SPATA16: variants seen among roughly 807,000 people sequenced by gnomAD.
The protein encoded by SPATA16 is spermatogenesis-associated protein 16.
A neutral mutation model predicts 63.3 loss-of-function variants in SPATA16; 36 were observed. The ratio of observed to expected loss-of-function variants is 0.57; its 90% CI spans 0.44 to 0.75. SPATA16 has a LOEUF of 0.75. Ranked by LOEUF, SPATA16 falls within the 30% of genes least tolerant of loss-of-function variation. The pLI is 0.00. For missense variants in SPATA16, 646 were observed against 679.3 expected (o/e 0.95, Z 0.54); for synonymous variants, 203 against 216.7 (o/e 0.94, Z 0.56).
At chr3:173,106,521 CAATA>C (rs1213922438) in intron 2 of SPATA16, among the ~76,000 whole-genome samples, 1 of 152,146 alleles carries the variant, frequency 6.6e-6, no homozygotes, top group African/African-American at 2.4e-5. Flanking sequence ...AGTAACTACT[CAATA>C]AATATTTTTT....
At chr3:173,091,792 C>T (rs923969061) in intron 2 of SPATA16, among the ~76,000 whole-genome samples, 3 of 152,080 alleles carry the variant, frequency 2.0e-5, no homozygotes, top group East Asian at 1.9e-4. Flanking sequence ...CTAGCCCCTA[C>T]GTTTGAGAAA....
At chr3:172,948,128 A>C (rs1158176153) in intron 6 of SPATA16, among the ~76,000 whole-genome samples, 1 of 152,182 alleles carries the variant, frequency 6.6e-6, no homozygotes, top group Non-Finnish European at 1.5e-5. Flanking sequence ...ATTCAAGTAC[A>C]AGGTTATAGA....
intron 10 of SPATA16, among the ~76,000 whole-genome samples, chr3:172,898,436 G>A (rs1446945296): frequency 6.6e-6 from 1 of 151,912 alleles, no homozygotes; most frequent in Non-Finnish European, 1.5e-5. Context: ...TATATTGGGT[G>A]AGTGGTGGTA....
intron 4 of SPATA16, among the ~76,000 whole-genome samples, chr3:173,001,139 G>C (rs576305750): frequency 6.6e-6 from 1 of 152,168 alleles, no homozygotes. Context: ...GCAGTACAAA[G>C]ACTATAAAGA....
At chr3:173,056,968 C>T (rs1736247381) in intron 2 of SPATA16, among the ~76,000 whole-genome samples, 1 of 151,732 alleles carries the variant, frequency 6.6e-6, no homozygotes, top group Admixed American at 6.6e-5. Flanking sequence ...CACATATGTT[C>T]TATTTTCATG....
Position 173,073,688 on chromosome 3 carries a change from C to G in SPATA16, c.613-24594G>C, listed in dbSNP as rs1469358719. On this transcript the variant is annotated intron_variant, in intron 2 of 10. Coordinates refer to ENST00000351008, the MANE Select transcript of SPATA16 (RefSeq NM_031955.6). ...GCAGGGCAGGACCCTCATGGAGAAC[C>G]TCTGCTAGGGCAGTGCAGAAGGGAA... 3.9e-5 allele frequency among the ~76,000 whole-genome samples: 6 copies of G among 152,236 alleles called. No homozygotes were observed. The East Asian group carries it at 9.6e-4, about 24-fold the overall frequency.
chr3:172,916,584 A>C, intron 8 of SPATA16, 103 bp from the exon 9 acceptor site: 1 of 1,251,962 alleles, frequency 8.0e-7, no homozygotes, highest in East Asian at 2.3e-5. Flanking sequence ...ACATCTTTTG[A>C]AATAACGGAA....
At chr3:173,011,931 A>G (rs1735083644) in intron 4 of SPATA16, among the ~76,000 whole-genome samples, 1 of 152,142 alleles carries the variant, frequency 6.6e-6, no homozygotes, top group East Asian at 1.9e-4. Flanking sequence ...TTCCTGCCTT[A>G]GCCTACTGAG....
intron 5 of SPATA16, among the ~76,000 whole-genome samples, chr3:172,962,877 A>G (rs1437604117): frequency 1.3e-5 from 2 of 152,160 alleles, no homozygotes; most frequent in East Asian, 3.8e-4. Context: ...GAAAAATAAA[A>G]TTTTGTGAGC....
chr3:172,990,811 C>A (rs1410991118), intron 4 of SPATA16, among the ~76,000 whole-genome samples: 2 of 152,088 alleles, frequency 1.3e-5, no homozygotes, highest in Admixed American at 1.3e-4. Flanking sequence ...CATGAAGAAG[C>A]AGGTCTAGGT....
intron 9 of SPATA16, among the ~76,000 whole-genome samples, chr3:172,914,741 CTGGGTA>C (rs1465856844): frequency 6.6e-6 from 1 of 151,884 alleles, no homozygotes; most frequent in Non-Finnish European, 1.5e-5. Flanking sequence ...TATTTTTCTG[CTGGGTA>C]TATAAGTACA....
At position 173,117,695 on chromosome 3, in the gene SPATA16, C is replaced by T. The variant is rs1737945307; in HGVS notation, c.37G>A (p.Val13Met). 6.2e-7 allele frequency: 1 copy of T among 1,614,148 alleles called. No homozygotes were observed. Among genetic ancestry groups the T allele is most frequent in the South Asian group, 1.1e-5 (1 of 91,084 alleles). ...AGCTGATCATGATAGATCCTATTCACTGCATTCTCCAAACTCCTACTGCTT... is the reference window on the plus strand; with the variant it reads ...AGCTGATCATGATAGATCCTATTCATTGCATTCTCCAAACTCCTACTGCTT... ...AGSSRSLENA[V>M]NRIYHDQLVP... Residue 13 changes from valine to methionine, a missense_variant, in exon 2 of 11, where the codon GTG becomes ATG. Transcript: ENST00000351008.
At chr3:172,985,257 A>G (rs1224045708) in intron 4 of SPATA16, among the ~76,000 whole-genome samples, 1 of 152,222 alleles carries the variant, frequency 6.6e-6, no homozygotes, top group Admixed American at 6.5e-5. Flanking sequence ...TATTAAATCT[A>G]TAGCAAATAT....
At chr3:172,895,659 G>A (rs948701573) in intron 10 of SPATA16, among the ~76,000 whole-genome samples, 2 of 151,978 alleles carry the variant, frequency 1.3e-5, no homozygotes, top group African/African-American at 4.8e-5. Context: ...ATATAATTTT[G>A]TTATTGCAAG....
intron 5 of SPATA16, among the ~76,000 whole-genome samples, chr3:172,957,565 CT>C (rs1023867207): frequency 2.6e-5 from 4 of 152,134 alleles, no homozygotes; most frequent in African/African-American, 9.7e-5. Flanking sequence ...ACAACTTTTC[CT>C]TCTAATGAGG....
chr3:173,073,776 A>G (rs1392272503), intron 2 of SPATA16, among the ~76,000 whole-genome samples: 1 of 152,206 alleles, frequency 6.6e-6, no homozygotes, highest in African/African-American at 2.4e-5. Context: ...AGCTGTGAGA[A>G]GTGGGCCACC....
chr3:173,133,163 C>A (rs1327957751), intron 1 of SPATA16, among the ~76,000 whole-genome samples: 1 of 152,158 alleles, frequency 6.6e-6, no homozygotes, highest in Non-Finnish European at 1.5e-5. Context: ...TGTTCCTCAG[C>A]TCCAAACCCA....
At chr3:173,071,152 A>G (rs532533137) in intron 2 of SPATA16, among the ~76,000 whole-genome samples, 1 of 152,354 alleles carries the variant, frequency 6.6e-6, no homozygotes, top group East Asian at 1.9e-4. Flanking sequence ...CTCAGAAATA[A>G]GTCCATGCAT....
At chr3:172,894,609 G>C (rs1731969621) in intron 10 of SPATA16, among the ~76,000 whole-genome samples, 1 of 151,958 alleles carries the variant, frequency 6.6e-6, no homozygotes. Flanking sequence ...CTATCACATA[G>C]TCCAGGAAAC....
Sources: gnomAD v4.1 joint callset for allele counts (sites outside exome capture counted in the v4.1 genomes callset) on GRCh38, gnomAD v4.1.1 for gene constraint, MANE v1.5 for transcripts, NCBI Gene and HGNC (gene_info 2026-07-23, HGNC 2026-07-21) for gene names.